Variants in ADCY1 observed in about 807,000 individuals in gnomAD.
ADCY1 encodes adenylate cyclase type 1.
A neutral mutation model predicts 105.4 loss-of-function variants in ADCY1; 28 were observed. The observed-to-expected ratio is 0.27, with a 90% CI of 0.20 to 0.36. The LOEUF (loss-of-function observed/expected upper bound fraction) is 0.36, where lower values mean the gene tolerates loss of function less well. Ranked by LOEUF, ADCY1 falls within the 10% of genes least tolerant of loss-of-function variation. ADCY1 has a pLI of 1.00. For missense variants in ADCY1, 977 were observed against 1,434.2 expected, an observed-to-expected ratio of 0.68 and a Z score of 5.15; for synonymous variants, 655 against 623.8, an observed-to-expected ratio of 1.05 and a Z score of -0.75.
At position 45,599,159 on chromosome 7, in the gene ADCY1, C is replaced by G. The variant is rs532048803; in HGVS notation, c.789+6251C>G. On this transcript the variant is annotated intron_variant, in intron 2 of 19. Coordinates refer to ENST00000297323, the MANE Select transcript of ADCY1 (RefSeq NM_021116.4). ...GTGTTTGTGGTCAGCATCAGAGGCT[C>G]TAGAATGCTCCCAGCTCCCAACTTG... Among the ~76,000 whole-genome samples, 29 of 152,260 alleles carry G rather than the reference C, an allele frequency of 1.9e-4. 2 individuals carry two copies. The South Asian group carries it at 6.0e-3, about 32-fold the overall frequency.
At chr7:45,643,485 T>G (rs1478002672) in intron 4 of ADCY1, among the ~76,000 whole-genome samples, 1 of 152,126 alleles carries the variant, frequency 6.6e-6, no homozygotes, top group Non-Finnish European at 1.5e-5. Context: ...AATTGGAGAT[T>G]TCTTTGTGGT....
chr7:45,690,152 G>A (rs1784760094), intron 14 of ADCY1, among the ~76,000 whole-genome samples: 2 of 152,222 alleles, frequency 1.3e-5, no homozygotes. Context: ...CACCTCGGAA[G>A]TGGTCGTGTG....
chr7:45,609,324 C>A (rs867292044), intron 2 of ADCY1, among the ~76,000 whole-genome samples: 1 of 152,158 alleles, frequency 6.6e-6, no homozygotes, highest in African/African-American at 2.4e-5. Flanking sequence ...GGCAGGCTTG[C>A]GTGGCTGGGG....
intron 2 of ADCY1, among the ~76,000 whole-genome samples, chr7:45,600,327 A>C (rs1285884943): frequency 6.6e-6 from 1 of 152,220 alleles, no homozygotes; most frequent in Non-Finnish European, 1.5e-5. Context: ...CAGCACACAC[A>C]GCTGCAGGCT....
At position 45,686,526 on chromosome 7, in the gene ADCY1, T is replaced by G. The variant is rs1239253615; in HGVS notation, c.2328-21T>G. ...TGGAAGCTCGGCACTGACTTGGCTTTTCTTCCTCATCTTCCCCCAGGGGTG... is the reference window on the plus strand; with the variant it reads ...TGGAAGCTCGGCACTGACTTGGCTTGTCTTCCTCATCTTCCCCCAGGGGTG... On this transcript the variant is annotated intron_variant, in intron 13 of 19. Transcript: ENST00000297323. The surrounding 1 kb of genome is among the most constrained non-coding windows in gnomAD (Gnocchi z 4.3). The G allele has an allele frequency of 3.1e-6, 5 of 1,601,424 alleles. No homozygotes were observed.
chr7:45,586,406 A>T (rs567760556), intron 1 of ADCY1, among the ~76,000 whole-genome samples: 139 of 152,348 alleles, frequency 9.1e-4, no homozygotes, highest in African/African-American at 2.9e-3. Context: ...ATTATTTTTT[A>T]AAAAATTGTG....
intron 11 of ADCY1, among the ~76,000 whole-genome samples, chr7:45,682,984 G>C (rs1017927992): frequency 6.6e-6 from 1 of 152,100 alleles, no homozygotes; most frequent in African/African-American, 2.4e-5. Context: ...TCAGGAAATG[G>C]TGCCTGCTTT....
chr7:45,635,223 T>A (rs550951501), intron 4 of ADCY1, among the ~76,000 whole-genome samples: 6 of 151,932 alleles, frequency 3.9e-5, no homozygotes, highest in Non-Finnish European at 8.8e-5. Context: ...GAATCTATAG[T>A]GATGTCACCT....
At chr7:45,606,927 C>G (rs748174599) in intron 2 of ADCY1, among the ~76,000 whole-genome samples, 5 of 151,312 alleles carry the variant, frequency 3.3e-5, no homozygotes, top group Non-Finnish European at 5.9e-5. Context: ...ATGTTTACTG[C>G]TGCTTGGGCC....
In ADCY1 at chr7:45,610,623, G is replaced by A. The variant is rs183310307; in HGVS notation, c.908+126G>A. On this transcript the variant is annotated intron_variant, in intron 3 of 19. Transcript: ENST00000297323. Reference sequence around the variant, plus strand: ...GGATGGAGGTGGGGAAAGAATGGGGGTGTGGAGGTAATGGTGAAGGTGGGG... The same window carrying A: ...GGATGGAGGTGGGGAAAGAATGGGGATGTGGAGGTAATGGTGAAGGTGGGG... 5 of 806,676 alleles carry A rather than the reference G, an allele frequency of 6.2e-6. No individual in the cohort carries two copies. In the East Asian group the frequency reaches 1.0e-4, roughly 16 times the overall value. The allele number at this position is 806,676 out of a possible 1,614,324, so 50.0% of individuals were successfully genotyped here.
rs35387539 is a variant in ADCY1, at chr7:45,634,425, GTT to G, written c.1020+11697_1020+11698del. Among the ~76,000 whole-genome samples, 291 of 136,630 alleles carry G rather than the reference GTT, an allele frequency of 2.1e-3. 1 individual carries two copies. Among genetic ancestry groups the G allele is most frequent in the African/African-American group, 5.6e-3 (207 of 36,994 alleles). 89.6% of individuals were successfully genotyped at this position (136,630 alleles called of 152,430 possible). A position where few individuals can be genotyped will look rare whatever the true frequency, so the allele number is the denominator to read the frequency against. Reference sequence around the variant, plus strand: ...TTTCCTTTTATTTCTAGTTTGCTGAGTTTTTTTTTTTTTTTTGATTCAGAAAT... The same window carrying G: ...TTTCCTTTTATTTCTAGTTTGCTGAGTTTTTTTTTTTTTTGATTCAGAAAT... On this transcript the variant is annotated intron_variant, in intron 4 of 19. Coordinates refer to ENST00000297323, the MANE Select transcript of ADCY1 (RefSeq NM_021116.4).
chr7:45,590,243 A>C (rs144540888), intron 1 of ADCY1, among the ~76,000 whole-genome samples: 36 of 152,282 alleles, frequency 2.4e-4, no homozygotes, highest in African/African-American at 7.7e-4. Context: ...CCTTGTCATA[A>C]ACCTGTAATC....
chr7:45,584,847 TGTG>T (rs1285716399), intron 1 of ADCY1, among the ~76,000 whole-genome samples: 1 of 152,196 alleles, frequency 6.6e-6, no homozygotes, highest in Non-Finnish European at 1.5e-5. Context: ...GCAGCATTAT[TGTG>T]GTAAGCATGC....
At chr7:45,669,495 C>T (rs985344642) in intron 8 of ADCY1, among the ~76,000 whole-genome samples, 20 of 152,122 alleles carry the variant, frequency 1.3e-4, no homozygotes, top group Admixed American at 9.2e-4. Flanking sequence ...GTCTGAGAGA[C>T]AGTTTGTTAT....
intron 11 of ADCY1, 59 bp downstream of exon 11, chr7:45,679,852 C>A: frequency 1.3e-6 from 2 of 1,574,300 alleles, no homozygotes; most frequent in Non-Finnish European, 1.7e-6. Context: ...ATGTGAGTGG[C>A]CTGTATCCTG....
rs886279526 is a variant in ADCY1 at position 45,669,686 on chromosome 7, G to A, written c.1605+7472G>A. On this transcript the variant is annotated intron_variant, in intron 8 of 19. Transcript: ENST00000297323. ...GGGGCTCTCCTACCCCATCTCCTGG[G>A]CATTTTGTTGAAACATGGCTGGAAA... 3.3e-5 allele frequency among the ~76,000 whole-genome samples: 5 copies of A among 152,198 alleles called. No homozygotes were observed. In the South Asian group the frequency reaches 8.3e-4, roughly 25 times the overall value.
chr7:45,629,730 A>G (rs1028203689), intron 4 of ADCY1, among the ~76,000 whole-genome samples: 2 of 152,014 alleles, frequency 1.3e-5, no homozygotes, highest in South Asian at 4.2e-4. Context: ...CTTGTTAGCC[A>G]GGATGGTCTT....
intron 19 of ADCY1, among the ~76,000 whole-genome samples, chr7:45,711,644 T>TATATAC (rs1189707139): frequency 2.1e-3 from 106 of 51,394 alleles, no homozygotes; most frequent in African/African-American, 6.3e-3. Context: ...TATATATATA[T>TATATAC]ACACACACAC....
rs117897390 is a variant in ADCY1, at chr7:45,660,503, G to T, written c.1449+320G>T. On this transcript the variant is annotated intron_variant, in intron 7 of 19. Coordinates refer to ENST00000297323, the MANE Select transcript of ADCY1 (RefSeq NM_021116.4). ...AGTGGGCATGAAACCCCGCAGGGGG[G>T]CCAGGGATGGGGAGCTCTGTGAACT... is the stretch of plus-strand genomic sequence containing the variant. Among the ~76,000 whole-genome samples the T allele has an allele frequency of 2.8e-4, 42 of 152,374 alleles. 1 individual carries two copies. In the East Asian group the frequency reaches 6.2e-3, roughly 22 times the overall value.
Sources: allele counts gnomAD v4.1 joint callset (sites outside exome capture counted in the v4.1 genomes callset), GRCh38; gene constraint gnomAD v4.1.1; non-coding constraint Gnocchi (gnomAD v3.1); transcripts MANE v1.5; gene names NCBI Gene and HGNC (gene_info 2026-07-23, HGNC 2026-07-21).